The following RASA2 variants were observed in gnomAD, a reference collection of about 807,000 sequenced individuals.
The protein encoded by RASA2 is RAS p21 protein activator 2.
In RASA2, 155 loss-of-function variants were observed where a neutral mutation model predicts 118.2. The observed-to-expected ratio is 1.31, with a 90% confidence interval of 1.15 to 1.50. RASA2 has a LOEUF of 1.50. RASA2 is among the 40% of genes most tolerant of loss of function. RASA2 has a pLI of 0.00. For synonymous variants in RASA2, 353 were observed against 349.1 expected (o/e 1.01, Z -0.12); for missense variants, 1,016 against 1,009.6 (o/e 1.01, Z -0.09).
chr3:141,544,096 G>A (rs1416205412), intron 5 of RASA2, among the ~76,000 whole-genome samples: 1 of 151,800 alleles, frequency 6.6e-6, no homozygotes, highest in Admixed American at 6.6e-5. Context: ...GGCTGCTCTC[G>A]AACTCCTGGC....
At chr3:141,548,764 G>C (rs2082526324) in intron 5 of RASA2, among the ~76,000 whole-genome samples, 1 of 152,062 alleles carries the variant, frequency 6.6e-6, no homozygotes, top group South Asian at 2.1e-4. Flanking sequence ...ACTTTAGTGA[G>C]ACCTCCCTGC....
intron 15 of RASA2, 86 bp downstream of exon 15, chr3:141,577,192 A>G (rs1319633728): frequency 2.9e-6 from 3 of 1,028,132 alleles, no homozygotes; most frequent in Non-Finnish European, 4.1e-6. Flanking sequence ...CAATTTCACT[A>G]GGCTGTATTT....
chr3:141,506,930 AAAG>A (rs1382477738), intron 1 of RASA2, among the ~76,000 whole-genome samples: 17 of 152,000 alleles, frequency 1.1e-4, no homozygotes, highest in Admixed American at 9.2e-4. Context: ...AAAAAAAAAA[AAAG>A]AAAAAGAAAA....
chr3:141,544,305 A>G (rs1468058711), intron 5 of RASA2, among the ~76,000 whole-genome samples: 2 of 152,086 alleles, frequency 1.3e-5, no homozygotes, highest in East Asian at 3.8e-4. Context: ...AGATTTGGGG[A>G]ATTTTCAACC....
At chr3:141,550,456 A>G (rs1005582276) in intron 5 of RASA2, among the ~76,000 whole-genome samples, 4 of 152,212 alleles carry the variant, frequency 2.6e-5, no homozygotes, top group Non-Finnish European at 5.9e-5. Flanking sequence ...TAAATGCACT[A>G]TGGGATCCTG....
At position 141,609,431 on chromosome 3, in the gene RASA2, C is replaced by T; in HGVS notation, c.2237C>T (p.Ala746Val). 1 of 1,580,964 alleles carries T rather than the reference C, an allele frequency of 6.3e-7. No individual in the cohort carries two copies. The highest frequency in any genetic ancestry group is 8.6e-7 in the Non-Finnish European group (1 of 1,158,778). ...GCKPCTAGVPADIQIDIDEDR... is the reference protein window; with the variant it reads ...GCKPCTAGVPVDIQIDIDEDR... ...TATTTTTACCATAGAGGTGTCCCTG[C>T]AGACATCCAAATAGATATTGATGAA... The change falls in exon 22 of 24, where the codon GCA becomes GTA. Residue 746 changes from alanine to valine, a missense_variant. Ala to Val is a moderately conservative substitution (Grantham distance 64). Around this residue, in one of 2 missense-constraint regions of RASA2, gnomAD observed 120 missense variants for 173.2 expected, o/e 0.69. Transcript: ENST00000286364.
Position 141,612,280 on chromosome 3 carries a change from T to C in RASA2, c.2520-3T>C. ...TTGAAAAATGACTTTTTTTCTTCTC[T>C]AGGGAAAATCCAATTGTTGGGAAAG... On this transcript the variant is annotated splice_polypyrimidine_tract_variant and splice_region_variant and intron_variant, in intron 23 of 23. Coordinates refer to ENST00000286364, the MANE Select transcript of RASA2 (RefSeq NM_006506.5). 6.3e-7 allele frequency: 1 copy of C among 1,583,472 alleles called. No individual in the cohort carries two copies. Among genetic ancestry groups the C allele is most frequent in the Non-Finnish European group, 8.6e-7 (1 of 1,157,214 alleles).
chr3:141,581,088 GT>G lies in RASA2; in HGVS notation c.1675-6del. On this transcript the variant is annotated splice_polypyrimidine_tract_variant and intron_variant, in intron 16 of 23. Transcript: ENST00000286364. ...TTTAACACATATAAACCCTGTGTTT[GT>G]TTTTTCTTAGTCAAGTTTCAAAGAG... 6.6e-7 allele frequency: 1 copy of G among 1,514,920 alleles called. No individual in the cohort carries two copies. The highest frequency in any genetic ancestry group is 1.3e-5 in the South Asian group (1 of 74,580). 93.8% of individuals were successfully genotyped at this position (1,514,920 alleles called of 1,614,324 possible). A position where few individuals can be genotyped will look rare whatever the true frequency, so the allele number is the denominator to read the frequency against.
At position 141,487,097 on chromosome 3, in the gene RASA2, C is replaced by A. The variant is rs1394181436; in HGVS notation, c.14C>A (p.Ala5Glu). 2 of 1,381,190 alleles carry A rather than the reference C, an allele frequency of 1.4e-6. No individual in the cohort carries two copies. Among genetic ancestry groups the A allele is most frequent in the East Asian group, 3.3e-5 (1 of 30,064 alleles). The allele number at this position is 1,381,190 out of a possible 1,614,324, so 85.6% of individuals were successfully genotyped here. A position where few individuals can be genotyped will look rare whatever the true frequency, so the allele number is the denominator to read the frequency against. ...CCGGGCGGCACCATGGCGGCGGCGG[C>A]GCCTGCTGCTGCGGCGGCTTCTTCC... MAAA[A>E]PAAAAASSEA... The change falls in exon 1 of 24, where the codon GCG becomes GAG. Residue 5 changes from alanine to glutamate, a missense_variant. Physicochemically the swap from Ala to Glu is moderately radical, Grantham distance 107 (BLOSUM62 -1). Transcript: ENST00000286364.
chr3:141,491,730 A>G (rs2081641863), intron 1 of RASA2, among the ~76,000 whole-genome samples: 1 of 152,202 alleles, frequency 6.6e-6, no homozygotes, highest in South Asian at 2.1e-4. Flanking sequence ...GTTAGGAAAA[A>G]GATTAAATTT....
chr3:141,487,172 A>G lies in RASA2; in HGVS notation c.89A>G (p.Asp30Gly). The change falls in exon 1 of 24, where the codon GAC becomes GGC. Residue 30 changes from aspartate (D) to glycine (G), a missense_variant. Coordinates refer to ENST00000286364, the MANE Select transcript of RASA2 (RefSeq NM_006506.5). ...GCAGAGCCCGAGGCCGGGGACCAGG[A>G]CAGTCGCGAGGTTCGAGTGTTGCAG... Reference protein sequence around the residue: ...ATAEPEAGDQDSREVRVLQSL... With the variant: ...ATAEPEAGDQGSREVRVLQSL... The G allele has an allele frequency of 6.8e-7, 1 of 1,467,276 alleles. No individual in the cohort carries two copies. 90.9% of individuals were successfully genotyped at this position (1,467,276 alleles called of 1,614,324 possible).
At chr3:141,572,889 C>G (rs1402194475) in intron 12 of RASA2, among the ~76,000 whole-genome samples, 166 bp downstream of exon 12, 1 of 152,112 alleles carries the variant, frequency 6.6e-6, no homozygotes, top group Admixed American at 6.5e-5. Context: ...GATTTTTACT[C>G]AAAAGGTACA....
At chr3:141,559,177 AGAT>A (rs925862271) in intron 8 of RASA2, among the ~76,000 whole-genome samples, 17 of 152,176 alleles carry the variant, frequency 1.1e-4, no homozygotes, top group African/African-American at 3.9e-4. Flanking sequence ...TTATAAACAA[AGAT>A]GATCTAATTT....
In RASA2 at chr3:141,573,203, T is replaced by C; in HGVS notation, c.1341T>C (p.Asp447=). The C allele has an allele frequency of 1.9e-6, 3 of 1,543,000 alleles. No individual in the cohort carries two copies. Among genetic ancestry groups the C allele is most frequent in the Non-Finnish European group, 2.6e-6 (3 of 1,155,004 alleles). ...EIDPIKLKEG[D]NVENNKENLR... is the part of the protein sequence containing the mutation. ...ATCCTATTAAATTGAAAGAGGGAGA[T>C]AATGTAGAAAATAATAAGGTAAGTC... The change falls in exon 13 of 24, where the codon GAT becomes GAC. Residue 447 remains aspartate (D), a synonymous_variant. Coordinates refer to ENST00000286364, the MANE Select transcript of RASA2 (RefSeq NM_006506.5).
chr3:141,519,783 C>CCA (rs113776082), intron 3 of RASA2, among the ~76,000 whole-genome samples: 2 of 152,132 alleles, frequency 1.3e-5, no homozygotes, highest in African/African-American at 4.8e-5. Context: ...TTCTCCGTGG[C>CCA]ACACAAAGGT....
intron 1 of RASA2, among the ~76,000 whole-genome samples, chr3:141,499,720 T>G (rs578253725): frequency 5.9e-4 from 90 of 152,190 alleles, no homozygotes; most frequent in African/African-American, 2.1e-3. Flanking sequence ...TGCCTCAGCC[T>G]CCCGATTAGC....
intron 15 of RASA2, among the ~76,000 whole-genome samples, chr3:141,578,364 G>A (rs1199405946): frequency 6.6e-6 from 1 of 152,166 alleles, no homozygotes; most frequent in Non-Finnish European, 1.5e-5. Flanking sequence ...TCCATGCTCA[G>A]TACTGGAGAT....
intron 15 of RASA2, among the ~76,000 whole-genome samples, chr3:141,578,034 G>A (rs1179857175): frequency 6.6e-6 from 1 of 152,012 alleles, no homozygotes; most frequent in African/African-American, 2.4e-5. Context: ...TTGCTGATTT[G>A]TATAACAAAT....
chr3:141,562,550 G>A (rs1375138052), intron 9 of RASA2, among the ~76,000 whole-genome samples: 1 of 73,428 alleles, frequency 1.4e-5, no homozygotes, highest in Non-Finnish European at 2.6e-5. Context: ...GTGCACCTGG[G>A]AGCGGGAGCT....
Sources: gnomAD v4.1 joint callset for allele counts (sites outside exome capture counted in the v4.1 genomes callset) on GRCh38, gnomAD v4.1.1 for gene constraint, gnomAD v4.1.1 regional missense constraint, MANE v1.5 for transcripts, NCBI Gene and HGNC (gene_info 2026-07-23, HGNC 2026-07-21) for gene names.